SCML2: variants seen among roughly 807,000 people sequenced by gnomAD.
SCML2 encodes the protein Scm polycomb group protein like 2.
SCML2 carries 6 observed loss-of-function variants against 48.4 expected under a neutral mutation model. The ratio of observed to expected loss-of-function variants is 0.12; its 90% CI spans 0.07 to 0.24. The LOEUF (loss-of-function observed/expected upper bound fraction) is 0.24. SCML2 is among the 10% of genes least tolerant of loss of function. The pLI, the probability that SCML2 is intolerant of heterozygous loss-of-function variation, is 1.00. For synonymous variants in SCML2, 181 were observed against 189.5 expected, an observed-to-expected ratio of 0.95 and a Z score of 0.37; for missense variants, 377 against 528.2, an observed-to-expected ratio of 0.71 and a Z score of 2.81.
chrX:18,298,828 G>GA lies in SCML2; in HGVS notation c.730+6143dup, dbSNP rs1380414405. Among the ~76,000 whole-genome samples the GA allele has an allele frequency of 8.5e-4, 78 of 91,536 alleles. No homozygotes were observed. The Middle Eastern group carries it at 0.027, about 31-fold the overall frequency. 79.5% of individuals were successfully genotyped at this position (91,536 alleles called of 115,157 possible). A position where few individuals can be genotyped will look rare whatever the true frequency, so the allele number is the denominator to read the frequency against. ...GAGTGAGACTGTGTCTCACAAAAAA[G>GA]AAAAAAAAAAAGAAACTAGTCCCCT... is the stretch of plus-strand genomic sequence containing the variant. On this transcript the variant is annotated intron_variant, in intron 7 of 14. Coordinates refer to ENST00000251900, the MANE Select transcript of SCML2 (RefSeq NM_006089.3).
At chrX:18,332,936 G>A (rs914704371) in intron 2 of SCML2, among the ~76,000 whole-genome samples, 3 of 110,313 alleles carry the variant, frequency 2.7e-5, no homozygotes, top group Non-Finnish European at 5.7e-5. Context: ...CTATGATTAC[G>A]CCACTGCACT....
At chrX:18,353,475 G>T (rs889720270) in intron 1 of SCML2, among the ~76,000 whole-genome samples, 1 of 111,938 alleles carries the variant, frequency 8.9e-6, no homozygotes, top group Non-Finnish European at 1.9e-5. Flanking sequence ...TAAATCATAT[G>T]ATCATAAGCA....
At position 18,249,666 on chromosome X, in the gene SCML2, T is replaced by C. The variant is rs756790977; in HGVS notation, c.1457-1784A>G. Among the ~76,000 whole-genome samples, 5 of 111,434 alleles carry C rather than the reference T, an allele frequency of 4.5e-5. No homozygotes were observed. The East Asian group carries it at 8.4e-4, about 19-fold the overall frequency. On this transcript the variant is annotated intron_variant, in intron 11 of 14. Coordinates refer to ENST00000251900, the MANE Select transcript of SCML2 (RefSeq NM_006089.3). Reference sequence around the variant, plus strand: ...GGTATAAGATGTCCCCTAGGAGACTTTGAAAAACACAAACATATTCCTGGG... The same window carrying C: ...GGTATAAGATGTCCCCTAGGAGACTCTGAAAAACACAAACATATTCCTGGG...
At chrX:18,301,450 A>G (rs191482782) in intron 7 of SCML2, among the ~76,000 whole-genome samples, 5 of 111,601 alleles carry the variant, frequency 4.5e-5, no homozygotes, top group African/African-American at 1.3e-4. Flanking sequence ...TCAACCTAGA[A>G]TTCCATGTCC....
intron 11 of SCML2, among the ~76,000 whole-genome samples, chrX:18,256,071 G>A (rs760659431): frequency 8.9e-6 from 1 of 111,789 alleles, no homozygotes; most frequent in Non-Finnish European, 1.9e-5. Flanking sequence ...TGGTTCTACA[G>A]GGCTATCTTA....
Position 18,240,742 on chromosome X carries a change from A to AG in SCML2, c.*508dup, listed in dbSNP as rs1303591685. 4 of 112,810 alleles carry AG rather than the reference A, an allele frequency of 3.5e-5. No homozygotes were observed. Among genetic ancestry groups the AG allele is most frequent in the Non-Finnish European group, 7.5e-5 (4 of 53,439 alleles). The allele number at this position is 112,810 out of a possible 1,213,427, so 9.3% of individuals were successfully genotyped here. ...TGATAGAACATGAACAGAACACCAC[A>AG]GAGTATCACACAAAATATCTGAGAA... On this transcript the variant is annotated 3_prime_UTR_variant, in exon 15 of 15. Coordinates refer to ENST00000251900, the MANE Select transcript of SCML2 (RefSeq NM_006089.3).
In SCML2 at chrX:18,258,157, G is replaced by T; in HGVS notation, c.1160C>A (p.Pro387Gln). The change falls in exon 10 of 15, where the codon CCG (proline) becomes CAG (glutamine). Residue 387 changes from proline to glutamine, a missense_variant. By Grantham distance (76) the Pro-to-Gln change is moderately conservative. Around this residue, in one of 3 missense-constraint regions of SCML2, gnomAD observed 299 missense variants for 425.5 expected, o/e 0.70. Transcript: ENST00000251900. ...AATCCGGCGAAGCACCACATTCACC[G>T]GGCCCGGGCCGAAGTGGTCAGGCAG... Reference protein sequence around the residue: ...QQLPDHFGPGPVNVVLRRIVQ... With the variant: ...QQLPDHFGPGQVNVVLRRIVQ... 3 of 1,211,325 alleles carry T rather than the reference G, an allele frequency of 2.5e-6. No homozygotes were observed. The highest frequency in any genetic ancestry group is 3.4e-6 in the Non-Finnish European group (3 of 895,055).
intron 5 of SCML2, among the ~76,000 whole-genome samples, chrX:18,321,737 C>T (rs1259254843): frequency 1.8e-5 from 2 of 110,668 alleles, no homozygotes; most frequent in Non-Finnish European, 3.8e-5. Context: ...TCTCTCTCAA[C>T]TCCCATATTA....
At chrX:18,338,510 A>C (rs745858396) in intron 1 of SCML2, among the ~76,000 whole-genome samples, 2 of 109,680 alleles carry the variant, frequency 1.8e-5, no homozygotes, top group South Asian at 8.2e-4. Context: ...TTACATGTGC[A>C]ATCTAAAATA....
At chrX:18,308,015 AT>A (rs1488254682) in intron 6 of SCML2, among the ~76,000 whole-genome samples, 1 of 108,137 alleles carries the variant, frequency 9.2e-6, no homozygotes, top group Non-Finnish European at 1.9e-5. Flanking sequence ...AATCGCTTGA[AT>A]CCAGGAGGCG....
At chrX:18,294,913 C>CA (rs1249720233) in intron 7 of SCML2, among the ~76,000 whole-genome samples, 1 of 111,376 alleles carries the variant, frequency 9.0e-6, no homozygotes, top group African/African-American at 3.3e-5. Context: ...CTCCTTCACA[C>CA]AGACTCTGAG....
rs1303318512 is a variant in SCML2, at chrX:18,287,249, A to G, written c.730+17723T>C. ...TAAATTAGATTGCTTTGGGGGTCTG[A>G]CAGAACTTCTCATTAGGAAGCGCTG... On this transcript the variant is annotated intron_variant, in intron 7 of 14. Coordinates refer to ENST00000251900, the MANE Select transcript of SCML2 (RefSeq NM_006089.3). 8.9e-5 allele frequency among the ~76,000 whole-genome samples: 10 copies of G among 112,183 alleles called. 1 individual carries two copies. Among genetic ancestry groups the G allele is most frequent in the East Asian group, 5.6e-4 (2 of 3,577 alleles).
intron 11 of SCML2, among the ~76,000 whole-genome samples, chrX:18,256,211 G>A (rs969756813): frequency 3.6e-5 from 4 of 111,382 alleles, no homozygotes; most frequent in Middle Eastern, 4.2e-3. Flanking sequence ...CAGCACTTTG[G>A]GAGGCCAAGG....
At chrX:18,337,191 A>G (rs1466577392) in intron 1 of SCML2, among the ~76,000 whole-genome samples, 1 of 106,256 alleles carries the variant, frequency 9.4e-6, no homozygotes, top group Non-Finnish European at 1.9e-5. Flanking sequence ...AGTCACAGCT[A>G]CTTGGGAGGC....
At chrX:18,263,549 T>A (rs1191880608) in intron 8 of SCML2, among the ~76,000 whole-genome samples, 1 of 111,778 alleles carries the variant, frequency 8.9e-6, no homozygotes, top group East Asian at 2.8e-4. Context: ...TCATTCTTTT[T>A]AAGAAATATT....
intron 7 of SCML2, among the ~76,000 whole-genome samples, chrX:18,295,030 C>A (rs1928349587): frequency 9.0e-6 from 1 of 111,315 alleles, no homozygotes; most frequent in South Asian, 3.8e-4. Context: ...CGTACTTGCA[C>A]ACTGGTTTTC....
chrX:18,304,873 G>A, intron 7 of SCML2, 99 bp downstream of exon 7: 2 of 978,014 alleles, frequency 2.0e-6, no homozygotes, highest in Non-Finnish European at 2.8e-6. Context: ...GTTGGGGCAT[G>A]TACCACCTGG....
At chrX:18,257,103 T>G in intron 10 of SCML2, 73 bp from the exon 11 acceptor site, 1 of 656,952 alleles carries the variant, frequency 1.5e-6, no homozygotes, top group South Asian at 4.5e-5. Context: ...AAAAAAAAAC[T>G]ATCACCTTAG....
At chrX:18,354,037 A>G (rs1337192235) in intron 1 of SCML2, among the ~76,000 whole-genome samples, 1 of 111,796 alleles carries the variant, frequency 8.9e-6, no homozygotes, top group Non-Finnish European at 1.9e-5. Flanking sequence ...CGCTAGGGTG[A>G]GCCACCGGCG....
Sources: allele counts gnomAD v4.1 joint callset (sites outside exome capture counted in the v4.1 genomes callset), GRCh38; gene constraint gnomAD v4.1.1; regional missense constraint gnomAD v4.1.1; transcripts MANE v1.5; gene names NCBI Gene and HGNC (gene_info 2026-07-23, HGNC 2026-07-21).